The following CNTLN variants were observed in gnomAD, a reference collection of about 807,000 sequenced individuals.
The protein encoded by CNTLN is centlein.
Under a neutral mutation model 180.0 loss-of-function variants are expected in CNTLN, and 212 were observed. That is an observed-to-expected ratio of 1.18 (90% CI 1.05 to 1.32). The LOEUF is 1.32. Among genes scored for constraint, CNTLN ranks in the 40% most tolerant of loss-of-function variants. The probability of loss-of-function intolerance (pLI) is 0.00; values close to 1 mark genes in which losing one functional copy is unlikely to be tolerated. For synonymous variants in CNTLN, 722 were observed against 563.1 expected (o/e 1.28, Z -3.99); for missense variants, 2,095 against 1,610.9 (o/e 1.30, Z -5.14).
chr9:17,525,674 T>G, the CNTLN span, among the ~76,000 whole-genome samples: 1 of 152,196 alleles, frequency 6.6e-6, no homozygotes, highest in Non-Finnish European at 1.5e-5. Context: ...CCTAATTTTA[T>G]GAAAATGTAT....
intron 1 of CNTLN, among the ~76,000 whole-genome samples, chr9:17,141,043 C>A (rs1818053189): frequency 6.6e-6 from 1 of 152,136 alleles, no homozygotes; most frequent in Non-Finnish European, 1.5e-5. Flanking sequence ...AAGAATATTT[C>A]TAACAATGGG....
intron 8 of CNTLN, among the ~76,000 whole-genome samples, chr9:17,323,788 C>A (rs1228199547): frequency 3.3e-5 from 5 of 152,138 alleles, no homozygotes; most frequent in Admixed American, 3.3e-4. Flanking sequence ...TGAACAAAAT[C>A]TTCTTGCTAA....
chr9:17,139,993 C>G (rs1817974635), intron 1 of CNTLN, among the ~76,000 whole-genome samples: 1 of 152,070 alleles, frequency 6.6e-6, no homozygotes, highest in African/African-American at 2.4e-5. Flanking sequence ...CCGCACCTGG[C>G]CAAGGTTTTT....
intron 8 of CNTLN, among the ~76,000 whole-genome samples, chr9:17,325,380 G>GTA (rs1284132269): frequency 6.9e-5 from 1 of 14,410 alleles, no homozygotes; most frequent in Non-Finnish European, 2.2e-4. Context: ...GTGTATGTAT[G>GTA]TGTGTGTGTG....
intron 10 of CNTLN, among the ~76,000 whole-genome samples, chr9:17,338,358 A>C (rs1200224333): frequency 4.1e-5 from 1 of 24,594 alleles, no homozygotes; most frequent in African/African-American, 1.3e-4. Context: ...TTTTTTTTAG[A>C]GATGGGGTTT....
At chr9:17,208,418 G>A (rs988199604) in intron 2 of CNTLN, among the ~76,000 whole-genome samples, 2 of 152,158 alleles carry the variant, frequency 1.3e-5, no homozygotes, top group Admixed American at 1.3e-4. Context: ...CAGGGGTATT[G>A]GCCAGTGGTT....
chr9:17,512,921 A>C, the CNTLN span, among the ~76,000 whole-genome samples: 1 of 152,132 alleles, frequency 6.6e-6, no homozygotes, highest in Non-Finnish European at 1.5e-5. Flanking sequence ...GGTTCACGCC[A>C]TTGTCCTGCC....
At chr9:17,453,957 T>C (rs546251910) in intron 18 of CNTLN, among the ~76,000 whole-genome samples, 66 of 152,320 alleles carry the variant, frequency 4.3e-4, no homozygotes, top group Non-Finnish European at 7.6e-4. Context: ...CTCAGAAACT[T>C]GATTAGGGAC....
chr9:17,170,109 G>C (rs1215528773), intron 2 of CNTLN, among the ~76,000 whole-genome samples: 1 of 151,988 alleles, frequency 6.6e-6, no homozygotes, highest in African/African-American at 2.4e-5. Flanking sequence ...CATGTAGTTG[G>C]TTAGATGTAT....
At chr9:17,299,516 T>A (rs1451178783) in intron 7 of CNTLN, 7 of 984,998 alleles carry the variant, frequency 7.1e-6, no homozygotes, top group Non-Finnish European at 8.4e-6. Flanking sequence ...ACCTTAAAAC[T>A]TAAACACATA....
rs192694006 is a variant in CNTLN at position 17,475,655 on chromosome 9, G to A, written c.3856-8640G>A. 1.0e-3 allele frequency among the ~76,000 whole-genome samples: 158 copies of A among 152,026 alleles called. 1 individual carries two copies. Among genetic ancestry groups the A allele is most frequent in the African/African-American group, 3.3e-3 (139 of 41,508 alleles). On this transcript the variant is annotated intron_variant, in intron 23 of 25. Transcript: ENST00000380647. ...CGGGAGGCCGAGGTGGGTGGATCAC[G>A]AGGTCAGGAGATCAAGACCATCCTG...
chr9:17,149,643 A>C (rs1211291940), intron 2 of CNTLN, among the ~76,000 whole-genome samples: 1 of 148,082 alleles, frequency 6.8e-6, no homozygotes. Context: ...TCAGCCCCCC[A>C]AGTAGCTGGG....
At chr9:17,155,628 C>A (rs536050850) in intron 2 of CNTLN, among the ~76,000 whole-genome samples, 1 of 152,168 alleles carries the variant, frequency 6.6e-6, no homozygotes, top group South Asian at 2.1e-4. Flanking sequence ...CCTTGACTGT[C>A]CCAGGTGGAT....
At chr9:17,373,427 A>C (rs903005747) in intron 13 of CNTLN, among the ~76,000 whole-genome samples, 5 of 152,166 alleles carry the variant, frequency 3.3e-5, no homozygotes, top group African/African-American at 9.6e-5. Flanking sequence ...GAAGTGAAGA[A>C]TCTTCCTACA....
chr9:17,406,033 C>G (rs555490364), intron 15 of CNTLN, among the ~76,000 whole-genome samples: 1 of 151,782 alleles, frequency 6.6e-6, no homozygotes, highest in African/African-American at 2.4e-5. Context: ...TAGCATCATA[C>G]TTGGATATCA....
At chr9:17,247,292 G>A (rs542861416) in intron 5 of CNTLN, among the ~76,000 whole-genome samples, 3 of 152,144 alleles carry the variant, frequency 2.0e-5, no homozygotes, top group East Asian at 1.9e-4. Flanking sequence ...GGGCTTGCCT[G>A]AACTCAGATT....
chr9:17,524,327 T>C, the CNTLN span, among the ~76,000 whole-genome samples: 1 of 152,196 alleles, frequency 6.6e-6, no homozygotes, highest in African/African-American at 2.4e-5. Context: ...TCTAAAAGCC[T>C]ATATTTCAGT....
chr9:17,496,338 G>A, intron 25 of CNTLN, among the ~76,000 whole-genome samples: 1 of 152,194 alleles, frequency 6.6e-6, no homozygotes, highest in Admixed American at 6.5e-5. Flanking sequence ...AGAAGTCCAA[G>A]ATCAGGCATT....
At position 17,484,173 on chromosome 9, in the gene CNTLN, T is replaced by C. The variant is rs1832783380; in HGVS notation, c.3856-122T>C. The C allele has an allele frequency of 5.1e-6, 4 of 789,280 alleles. No individual in the cohort carries two copies. The South Asian group carries it at 7.9e-5, about 16-fold the overall frequency. 48.9% of individuals were successfully genotyped at this position (789,280 alleles called of 1,614,324 possible). ...AGCAATCCACTATATTCCAGAGTAA[T>C]TAAAACCAGAGTAATCCTAGTAAAA... On this transcript the variant is annotated intron_variant, in intron 23 of 25. Coordinates refer to ENST00000380647, the MANE Select transcript of CNTLN (RefSeq NM_017738.4).
Sources: gnomAD v4.1 joint callset for allele counts (sites outside exome capture counted in the v4.1 genomes callset) on GRCh38, gnomAD v4.1.1 for gene constraint, MANE v1.5 for transcripts, NCBI Gene and HGNC (gene_info 2026-07-23, HGNC 2026-07-21) for gene names.